SLC12A7: variants seen among roughly 807,000 people sequenced by gnomAD.
SLC12A7 encodes K-Cl cotransporter 4.
Under a neutral mutation model 120.6 loss-of-function variants are expected in SLC12A7, and 100 were observed. The observed-to-expected ratio is 0.83, with a 90% CI of 0.71 to 0.98. The LOEUF is 0.98. Among genes scored for constraint, SLC12A7 ranks in the 50% least tolerant of loss-of-function variants. The pLI is 0.00. For missense variants in SLC12A7, 1,373 were observed against 1,548.1 expected (o/e 0.89, Z 1.90); for synonymous variants, 760 against 678.0 (o/e 1.12, Z -1.88).
chr5:1,078,020 G>C lies in SLC12A7; in HGVS notation c.1455-13C>G, dbSNP rs762707844. 26 of 1,522,608 alleles carry C rather than the reference G, an allele frequency of 1.7e-5. No homozygotes were observed. Among genetic ancestry groups the C allele is most frequent in the Non-Finnish European group, 2.2e-5 (25 of 1,126,560 alleles). The allele number at this position is 1,522,608 out of a possible 1,614,324, so 94.3% of individuals were successfully genotyped here. A position where few individuals can be genotyped will look rare whatever the true frequency, so the allele number is the denominator to read the frequency against. ...GGCCTCCCCGAACCTGCAGGCAGGC[G>C]GGCAGGCGGGCGGGCGGCTTTCAGA... is the stretch of plus-strand genomic sequence containing the variant. On this transcript the variant is annotated splice_polypyrimidine_tract_variant and intron_variant, in intron 11 of 23. Coordinates refer to ENST00000264930, the MANE Select transcript of SLC12A7 (RefSeq NM_006598.3).
Position 1,075,383 on chromosome 5 carries a change from A to T in SLC12A7, c.1955T>A (p.Ile652Asn). Residue 652 changes from isoleucine (I) to asparagine (N), a missense_variant, in exon 15 of 24, where the codon ATC becomes AAC. Transcript: ENST00000264930. ...TGACAGCGCTTACCCGCGGTACTCG[A>T]TGTACTTGTAGATGCAGCCAGCGAT... is the stretch of plus-strand genomic sequence containing the variant. ...MLIAGCIYKY[I>N]EYRGAEKEWG... is the part of the protein sequence containing the mutation. 6.2e-7 allele frequency: 1 copy of T among 1,611,764 alleles called. No individual in the cohort carries two copies.
chr5:1,098,105 ACCCAGCCCCCCTCTAACCCTCTGCAAG>A (rs1741494849), intron 1 of SLC12A7, among the ~76,000 whole-genome samples: 2 of 86,840 alleles, frequency 2.3e-5, no homozygotes, highest in African/African-American at 1.0e-4. Flanking sequence ...CCCTCTGCAC[ACCCAGCCCCCCTCTAACCCTCTGCAAG>A]CCCAGCCCCC....
chr5:1,105,756 G>A (rs980664563), intron 1 of SLC12A7, among the ~76,000 whole-genome samples: 2 of 152,312 alleles, frequency 1.3e-5, no homozygotes, highest in Admixed American at 6.5e-5. Context: ...AAGGCCAAAG[G>A]AGACCAGCCC....
chr5:1,140,269 C>T, the SLC12A7 span, among the ~76,000 whole-genome samples: 4 of 152,216 alleles, frequency 2.6e-5, no homozygotes, highest in East Asian at 7.7e-4. Flanking sequence ...GAAAGGTGGC[C>T]CTGCCCCAGC....
At chr5:1,104,680 G>T (rs1196417738) in intron 1 of SLC12A7, among the ~76,000 whole-genome samples, 2 of 149,880 alleles carry the variant, frequency 1.3e-5, no homozygotes, top group African/African-American at 2.4e-5. Context: ...CCACCGGGGG[G>T]TGCGTGTGGG....
chr5:1,077,853 C>T lies in SLC12A7; in HGVS notation c.1609G>A (p.Gly537Ser), dbSNP rs141894538. Reference sequence around the variant, plus strand: ...CTCACCTGCAGGAAGGGGACGATGCCGTCACGGGCAATGGCCTGCAGTAGG... The same window carrying T: ...CTCACCTGCAGGAAGGGGACGATGCTGTCACGGGCAATGGCCTGCAGTAGG... ...PRLLQAIARD[G>S]IVPFLQVFGH... The change falls in exon 12 of 24, where the codon GGC becomes AGC. Residue 537 changes from glycine (G) to serine (S), a missense_variant. Transcript: ENST00000264930. The T allele has an allele frequency of 8.8e-6, 14 of 1,591,748 alleles. No individual in the cohort carries two copies. The highest frequency in any genetic ancestry group is 2.7e-5 in the African/African-American group (2 of 74,634).
chr5:1,115,004 G>GACGGGA (rs1366487279), upstream of SLC12A7, among the ~76,000 whole-genome samples: 1 of 152,220 alleles, frequency 6.6e-6, no homozygotes, highest in Admixed American at 6.5e-5. Context: ...CCACAACGGT[G>GACGGGA]AATTGGTTCC....
In SLC12A7 at chr5:1,057,464, C is replaced by T. The variant is rs1735740749; in HGVS notation, c.3026+7G>A. On this transcript the variant is annotated splice_region_variant and intron_variant, in intron 22 of 23. Coordinates refer to ENST00000264930, the MANE Select transcript of SLC12A7 (RefSeq NM_006598.3). ...GTTCCCCCCAGGCCACACGCACGGA[C>T]ACTCACGGCTTCATGCTGAAGAGGT... The T allele has an allele frequency of 2.5e-6, 4 of 1,606,240 alleles. No homozygotes were observed. Among genetic ancestry groups the T allele is most frequent in the Admixed American group, 1.7e-5 (1 of 59,652 alleles).
intron 1 of SLC12A7, among the ~76,000 whole-genome samples, chr5:1,098,761 C>A (rs1397551886): frequency 1.7e-5 from 2 of 118,414 alleles, no homozygotes; most frequent in Non-Finnish European, 3.8e-5. Flanking sequence ...ACACCCAGCC[C>A]CCCTCTAACC....
At position 1,095,013 on chromosome 5, in the gene SLC12A7, A is replaced by AGGCGGGGGGCC. The variant is rs1236628456; in HGVS notation, c.125-766_125-765insGGCCCCCCGCC. On this transcript the variant is annotated intron_variant, in intron 1 of 23. Transcript: ENST00000264930. The stretch of plus-strand genomic sequence containing the variant: ...GGTGTTAGAAGATAGGGTCGGTAGG[A>AGGCGGGGGGCC]GGTGGGGGCGGTAGGAGGCGGGGGG... Among the ~76,000 whole-genome samples the AGGCGGGGGGCC allele has an allele frequency of 1.5e-3, 93 of 61,338 alleles. 2 individuals carry two copies. The highest frequency in any genetic ancestry group is 3.1e-3 in the East Asian group (6 of 1,954). 40.2% of individuals were successfully genotyped at this position (61,338 alleles called of 152,430 possible).
At chr5:1,080,998 A>C (rs1579377319) in intron 9 of SLC12A7, among the ~76,000 whole-genome samples, 1 of 63,568 alleles carries the variant, frequency 1.6e-5, no homozygotes, top group Non-Finnish European at 4.8e-5. Flanking sequence ...AGAGAGAGAC[A>C]GAGAGAGAGA....
At chr5:1,064,771 C>G (rs1223824461) in intron 18 of SLC12A7, among the ~76,000 whole-genome samples, 1 of 126,566 alleles carries the variant, frequency 7.9e-6, no homozygotes, top group African/African-American at 3.1e-5. Context: ...GAAGGGACAG[C>G]AAGGGGACGG....
At chr5:1,097,422 C>T (rs1741379862) in intron 1 of SLC12A7, among the ~76,000 whole-genome samples, 1 of 152,186 alleles carries the variant, frequency 6.6e-6, no homozygotes, top group Non-Finnish European at 1.5e-5. Flanking sequence ...AAGCTCCCCA[C>T]AGGCAACCTA....
the SLC12A7 span, among the ~76,000 whole-genome samples, chr5:1,144,562 G>A: frequency 6.6e-6 from 1 of 152,198 alleles, no homozygotes; most frequent in Non-Finnish European, 1.5e-5. Flanking sequence ...GTGAGGTCAC[G>A]CTGGGTCATG....
At chr5:1,127,313 G>C in the SLC12A7 span, among the ~76,000 whole-genome samples, 2 of 152,216 alleles carry the variant, frequency 1.3e-5, no homozygotes, top group Non-Finnish European at 2.9e-5. Flanking sequence ...ACGCCTGGCC[G>C]ACTGATGTCC....
rs150136345 is a variant in SLC12A7 at position 1,052,645 on chromosome 5, C to T, written c.3161-194G>A. ...GGAGCAGGGCAGGGGAGAGAGGGGC[C>T]AGTGCTCGGGAAAGAGAGGGAGCAC... On this transcript the variant is annotated intron_variant, in intron 23 of 23. Coordinates refer to ENST00000264930, the MANE Select transcript of SLC12A7 (RefSeq NM_006598.3). 6.4e-3 allele frequency among the ~76,000 whole-genome samples: 971 copies of T among 152,220 alleles called. 8 individuals are homozygous for T. The highest frequency in any genetic ancestry group is 0.039 in the South Asian group (187 of 4,824).
rs1192797323 is a variant in SLC12A7, at chr5:1,053,365, C to A, written c.3144G>T (p.Arg1048=). 1 of 1,613,794 alleles carries A rather than the reference C, an allele frequency of 6.2e-7. No individual in the cohort carries two copies. Among genetic ancestry groups the A allele is most frequent in the Non-Finnish European group, 8.5e-7 (1 of 1,179,978 alleles). The part of the protein sequence containing the change: ...LLNMPGPPKN[R]QGDENYMEFL... ...AAAGGATACAGTTCTCGTCTCCCTG[C>A]CGGTTTTTGGGAGGACCTGGCATGT... The change falls in exon 23 of 24, where the codon CGG becomes CGT. Residue 1048 remains arginine, a synonymous_variant. Transcript: ENST00000264930.
At chr5:1,062,739 C>T (rs560856193) in intron 20 of SLC12A7, among the ~76,000 whole-genome samples, 9 of 152,098 alleles carry the variant, frequency 5.9e-5, no homozygotes, top group East Asian at 1.9e-4. Context: ...CTGGAGAGAC[C>T]GCACCTCCCA....
chr5:1,075,525 C>T (rs772791895), intron 14 of SLC12A7, 35 bp from the exon 15 acceptor site: 93 of 1,589,954 alleles, frequency 5.8e-5, no homozygotes, highest in Middle Eastern at 1.7e-4. Context: ...GGCGGCCCAA[C>T]GCCATGCAGC....
Sources: gnomAD v4.1 joint callset for allele counts (sites outside exome capture counted in the v4.1 genomes callset) on GRCh38, gnomAD v4.1.1 for gene constraint, MANE v1.5 for transcripts, NCBI Gene and HGNC (gene_info 2026-07-23, HGNC 2026-07-21) for gene names.